The following MRPL1 variants were observed in gnomAD, a reference collection of about 807,000 sequenced individuals.
The protein encoded by MRPL1 is mitochondrial ribosomal protein L1, also known as large ribosomal subunit protein uL1m.
A neutral mutation model predicts 38.0 loss-of-function variants in MRPL1; 28 were observed. The ratio of observed to expected loss-of-function variants is 0.74; its 90% CI spans 0.55 to 1.01. MRPL1 has a LOEUF of 1.01. MRPL1 is among the 50% of genes least tolerant of loss of function. MRPL1 has a pLI of 0.00. For missense variants in MRPL1, 358 were observed against 389.8 expected, an observed-to-expected ratio of 0.92 and a Z score of 0.69; for synonymous variants, 123 against 126.7, an observed-to-expected ratio of 0.97 and a Z score of 0.20.
intron 7 of MRPL1, among the ~76,000 whole-genome samples, chr4:77,949,102 A>G (rs550972471): frequency 1.1e-4 from 17 of 152,336 alleles, no homozygotes; most frequent in Admixed American, 9.1e-4. Context: ...TATTTGGCAC[A>G]GTGCAAAATC....
intron 6 of MRPL1, among the ~76,000 whole-genome samples, chr4:77,897,231 TA>T (rs1424347475): frequency 1.3e-5 from 2 of 152,080 alleles, no homozygotes; most frequent in Admixed American, 6.6e-5. Context: ...ACCCAGCTAG[TA>T]TTTTGTATTT....
intron 7 of MRPL1, among the ~76,000 whole-genome samples, chr4:77,925,454 C>G (rs1218199369): frequency 6.6e-6 from 1 of 151,732 alleles, no homozygotes; most frequent in Non-Finnish European, 1.5e-5. Context: ...CGGGTTCACA[C>G]CGTTCTCCTG....
At chr4:77,937,316 T>C (rs147394659) in intron 7 of MRPL1, among the ~76,000 whole-genome samples, 269 of 152,290 alleles carry the variant, frequency 1.8e-3, no homozygotes, top group Non-Finnish European at 2.8e-3. Flanking sequence ...CCTTGACTAA[T>C]TTGGAGCCAG....
At chr4:77,907,542 C>G (rs946557018) in intron 6 of MRPL1, among the ~76,000 whole-genome samples, 2 of 144,486 alleles carry the variant, frequency 1.4e-5, no homozygotes, top group African/African-American at 5.0e-5. Context: ...CTCTCTCTCT[C>G]TCAGCCTCCC....
intron 2 of MRPL1, among the ~76,000 whole-genome samples, chr4:77,874,189 T>C (rs1735343212): frequency 6.6e-6 from 1 of 152,168 alleles, no homozygotes; most frequent in Non-Finnish European, 1.5e-5. Context: ...GGTTTCACTA[T>C]GTTGGCCAGG....
At chr4:77,879,557 G>A (rs752288436) in intron 2 of MRPL1, among the ~76,000 whole-genome samples, 1 of 152,112 alleles carries the variant, frequency 6.6e-6, no homozygotes, top group African/African-American at 2.4e-5. Flanking sequence ...AATTGCATAG[G>A]TTCCACTATG....
Position 77,871,873 on chromosome 4 carries a change from G to A in MRPL1, c.143+18G>A. The A allele has an allele frequency of 1.4e-6, 2 of 1,459,884 alleles. No homozygotes were observed. The highest frequency in any genetic ancestry group is 2.3e-5 in the East Asian group (1 of 43,348). The allele number at this position is 1,459,884 out of a possible 1,614,324, so 90.4% of individuals were successfully genotyped here. A position where few individuals can be genotyped will look rare whatever the true frequency, so the allele number is the denominator to read the frequency against. On this transcript the variant is annotated intron_variant, in intron 2 of 8. Transcript: ENST00000315567. The stretch of plus-strand genomic sequence containing the variant: ...GCTACAAAGTAAGTATTTTTTTTTA[G>A]TTATTATTTCATTTGTTGTCATTTT...
chr4:77,933,010 G>A (rs993745016), intron 7 of MRPL1, among the ~76,000 whole-genome samples: 4 of 152,078 alleles, frequency 2.6e-5, no homozygotes, highest in Non-Finnish European at 5.9e-5. Context: ...GGAGTGCAGT[G>A]ATGTAAGCAT....
chr4:77,863,579 G>T (rs1320399027), intron 1 of MRPL1, among the ~76,000 whole-genome samples: 2 of 149,162 alleles, frequency 1.3e-5, no homozygotes, highest in African/African-American at 5.0e-5. Context: ...CGATTCTCCT[G>T]CCTCGGCCTC....
intron 2 of MRPL1, among the ~76,000 whole-genome samples, chr4:77,873,409 C>G (rs951108013): frequency 2.6e-5 from 4 of 152,146 alleles, no homozygotes; most frequent in Admixed American, 2.6e-4. Context: ...ATCATTGGCT[C>G]TGGAGGATAG....
chr4:77,870,012 C>T (rs1394688564), intron 1 of MRPL1, among the ~76,000 whole-genome samples: 1 of 152,160 alleles, frequency 6.6e-6, no homozygotes, highest in Non-Finnish European at 1.5e-5. Context: ...GCAATCCTCC[C>T]ACCTCAGCTT....
intron 7 of MRPL1, among the ~76,000 whole-genome samples, chr4:77,928,958 C>G (rs907854262): frequency 5.3e-5 from 8 of 152,160 alleles, no homozygotes; most frequent in African/African-American, 1.9e-4. Flanking sequence ...AGAGAAATAG[C>G]TAACTTTTCT....
chr4:77,888,166 C>G (rs1047889667), intron 5 of MRPL1, among the ~76,000 whole-genome samples: 6 of 152,112 alleles, frequency 3.9e-5, no homozygotes, highest in African/African-American at 1.2e-4. Flanking sequence ...ATGGCATAGA[C>G]TCAGTATGGT....
chr4:77,887,975 G>A (rs1207969098), intron 5 of MRPL1, among the ~76,000 whole-genome samples: 1 of 152,090 alleles, frequency 6.6e-6, no homozygotes, highest in Non-Finnish European at 1.5e-5. Context: ...AAATCCACAA[G>A]GTCGCATGGA....
At chr4:77,873,567 TCTTATTTCCATAAA>T (rs1426755765) in intron 2 of MRPL1, among the ~76,000 whole-genome samples, 1 of 152,226 alleles carries the variant, frequency 6.6e-6, no homozygotes, top group Non-Finnish European at 1.5e-5. Flanking sequence ...CTTAATATAT[TCTTATTTCCATAAA>T]CTTAATTTAA....
intron 1 of MRPL1, among the ~76,000 whole-genome samples, chr4:77,868,207 C>T (rs1386371078): frequency 6.6e-6 from 1 of 151,746 alleles, no homozygotes; most frequent in Non-Finnish European, 1.5e-5. Flanking sequence ...GGACTACAGG[C>T]ACGTGTCACC....
At chr4:77,917,744 G>A (rs1736453888) in intron 7 of MRPL1, among the ~76,000 whole-genome samples, 1 of 152,132 alleles carries the variant, frequency 6.6e-6, no homozygotes, top group South Asian at 2.1e-4. Context: ...GGAAAATGTG[G>A]TGAGTATAAT....
chr4:77,935,680 G>A (rs943676021), intron 7 of MRPL1, among the ~76,000 whole-genome samples: 3 of 152,216 alleles, frequency 2.0e-5, no homozygotes, highest in Non-Finnish European at 2.9e-5. Flanking sequence ...ACAGGTATGA[G>A]CCACTGTGCC....
At chr4:77,862,962 C>G (rs921650617) in intron 1 of MRPL1, 83 bp downstream of exon 1, 20 of 1,542,394 alleles carry the variant, frequency 1.3e-5, no homozygotes, top group Non-Finnish European at 1.6e-5. Flanking sequence ...GGATTCTGCT[C>G]TGGGTGCTGA....
Sources: allele counts gnomAD v4.1 joint callset (sites outside exome capture counted in the v4.1 genomes callset), GRCh38; gene constraint gnomAD v4.1.1; transcripts MANE v1.5; gene names NCBI Gene and HGNC (gene_info 2026-07-23, HGNC 2026-07-21).